The following DNER variants were observed in gnomAD, a reference collection of about 807,000 sequenced individuals.
DNER encodes delta and Notch-like epidermal growth factor-related receptor.
DNER carries 33 observed loss-of-function variants against 78.2 expected under a neutral mutation model. That is an observed-to-expected ratio of 0.42 (90% CI 0.32 to 0.56). DNER has a LOEUF of 0.56. Among genes scored for constraint, DNER ranks in the 20% least tolerant of loss-of-function variants. The pLI, the probability that DNER is intolerant of heterozygous loss-of-function variation, is 0.11. For synonymous variants in DNER, 417 were observed against 384.8 expected (o/e 1.08, Z -0.98); for missense variants, 918 against 975.3 (o/e 0.94, Z 0.78).
intron 5 of DNER, among the ~76,000 whole-genome samples, chr2:229,545,918 A>C (rs982782122): frequency 3.3e-5 from 5 of 152,222 alleles, no homozygotes; most frequent in Non-Finnish European, 1.5e-5. Flanking sequence ...TAAGGAGGAA[A>C]TTACCACATT....
At chr2:229,534,914 C>A (rs558393854) in intron 5 of DNER, among the ~76,000 whole-genome samples, 1 of 152,174 alleles carries the variant, frequency 6.6e-6, no homozygotes, top group South Asian at 2.1e-4. Flanking sequence ...CAACTCACTG[C>A]AACCTCTGCC....
rs945738915 is a variant in DNER at position 229,433,682 on chromosome 2, A to G, written c.1486+13634T>C. ...CAGGAATAATATTTTTGCAGAAAGGAATGTCAGAAAATGGAAGATATTAGA... is the reference window on the plus strand; with the variant it reads ...CAGGAATAATATTTTTGCAGAAAGGGATGTCAGAAAATGGAAGATATTAGA... On this transcript the variant is annotated intron_variant, in intron 8 of 12. Transcript: ENST00000341772. Among the ~76,000 whole-genome samples, 3 of 152,210 alleles carry G rather than the reference A, an allele frequency of 2.0e-5. 1 individual carries two copies.
intron 1 of DNER, among the ~76,000 whole-genome samples, chr2:229,701,455 T>C (rs1329062631): frequency 1.3e-5 from 2 of 152,246 alleles, no homozygotes; most frequent in African/African-American, 2.4e-5. Context: ...ATACAAAAAA[T>C]GCTCATTGTT....
chr2:229,443,827 T>A (rs188214559), intron 8 of DNER, among the ~76,000 whole-genome samples: 4 of 152,328 alleles, frequency 2.6e-5, no homozygotes, highest in African/African-American at 9.6e-5. Context: ...CTCCAAAAGA[T>A]GAAGACGAGA....
At chr2:229,569,550 G>T (rs192658130) in intron 4 of DNER, among the ~76,000 whole-genome samples, 1 of 151,912 alleles carries the variant, frequency 6.6e-6, no homozygotes, top group Non-Finnish European at 1.5e-5. Flanking sequence ...AATTTTTTAA[G>T]TTCTCTATAT....
chr2:229,428,199 GCTC>G (rs200039651), intron 8 of DNER, among the ~76,000 whole-genome samples: 9,859 of 152,046 alleles, frequency 0.065, 1,079 homozygotes, highest in African/African-American at 0.23. Flanking sequence ...CAGAGAGATT[GCTC>G]CAGCTACCCT....
intron 11 of DNER, among the ~76,000 whole-genome samples, chr2:229,384,973 G>C (rs1180562921): frequency 1.3e-5 from 2 of 151,722 alleles, no homozygotes; most frequent in African/African-American, 4.8e-5. Context: ...AAAACTTCAG[G>C]CCAAGATCCC....
chr2:229,433,565 C>G (rs980581828), intron 8 of DNER, among the ~76,000 whole-genome samples: 5 of 152,192 alleles, frequency 3.3e-5, no homozygotes, highest in African/African-American at 1.2e-4. Context: ...CTAGGAGTCA[C>G]ACATGCCTAA....
chr2:229,533,849 C>T (rs1426824359), intron 5 of DNER, among the ~76,000 whole-genome samples: 1 of 152,220 alleles, frequency 6.6e-6, no homozygotes. Context: ...AAAATCTGAG[C>T]TTTCAAGAGC....
At position 229,591,532 on chromosome 2, in the gene DNER, A is replaced by G. The variant is rs773595831; in HGVS notation, c.585+48T>C. ...TACTAGAACCGCTGGAGTCACTTTA[A>G]GATTTCTGGTTTCTAATGTAAAAAT... On this transcript the variant is annotated intron_variant, in intron 2 of 12. Coordinates refer to ENST00000341772, the MANE Select transcript of DNER (RefSeq NM_139072.4). This position sits in a 1 kb window ranked among gnomAD's most constrained non-coding sequence, Gnocchi z 4.6. 7.7e-6 allele frequency: 12 copies of G among 1,555,488 alleles called. No homozygotes were observed. Among genetic ancestry groups the G allele is most frequent in the South Asian group, 1.2e-5 (1 of 80,288 alleles).
chr2:229,407,558 A>G (rs1266380489), intron 9 of DNER, among the ~76,000 whole-genome samples: 1 of 152,228 alleles, frequency 6.6e-6, no homozygotes, highest in Non-Finnish European at 1.5e-5. Flanking sequence ...CACTGTCCAT[A>G]GGTCCCACCA....
chr2:229,433,861 T>A (rs1289637686), intron 8 of DNER, among the ~76,000 whole-genome samples: 1 of 152,230 alleles, frequency 6.6e-6, no homozygotes, highest in African/African-American at 2.4e-5. Context: ...GCATTCCTAA[T>A]TATCTTGCCG....
chr2:229,618,549 G>T (rs73998298), intron 1 of DNER, among the ~76,000 whole-genome samples: 1 of 152,226 alleles, frequency 6.6e-6, no homozygotes, highest in Admixed American at 6.5e-5. Flanking sequence ...CATCAGCCTC[G>T]CAAAGCTGGT....
chr2:229,667,135 C>T (rs1229450684), intron 1 of DNER, among the ~76,000 whole-genome samples: 1 of 152,158 alleles, frequency 6.6e-6, no homozygotes, highest in Non-Finnish European at 1.5e-5. Flanking sequence ...ACTCAGTGGG[C>T]AGGATTATCC....
In DNER at chr2:229,461,061, A is replaced by G. The variant is rs935689141; in HGVS notation, c.1262-13521T>C. 6.6e-5 allele frequency among the ~76,000 whole-genome samples: 10 copies of G among 152,040 alleles called. 1 individual carries two copies. Among genetic ancestry groups the G allele is most frequent in the African/African-American group, 2.2e-4 (9 of 41,302 alleles). On this transcript the variant is annotated intron_variant, in intron 7 of 12. Coordinates refer to ENST00000341772, the MANE Select transcript of DNER (RefSeq NM_139072.4). ...ATGAGTGCTAGTAAAAAGACATTTT[A>G]CAACACAAGGTGGAAAAGGCTTTGG...
chr2:229,687,263 CT>C (rs555202828), intron 1 of DNER, among the ~76,000 whole-genome samples: 3,330 of 127,646 alleles, frequency 0.026, 42 homozygotes, highest in African/African-American at 0.063. Context: ...TTTCCAACTT[CT>C]TTTTTTTTTT....
chr2:229,560,250 C>T (rs1314746753), intron 4 of DNER, among the ~76,000 whole-genome samples: 2 of 152,190 alleles, frequency 1.3e-5, no homozygotes, highest in African/African-American at 4.8e-5. Flanking sequence ...AGACCATTTT[C>T]TTTCCTGTTA....
At chr2:229,590,705 A>G (rs1043115221) in intron 2 of DNER, among the ~76,000 whole-genome samples, 1 of 152,210 alleles carries the variant, frequency 6.6e-6, no homozygotes, top group Non-Finnish European at 1.5e-5. Context: ...GTGAAGAAAC[A>G]GGCCCTCACC....
Position 229,413,144 on chromosome 2 carries a change from T to C in DNER, c.1609+4964A>G, listed in dbSNP as rs557656462. On this transcript the variant is annotated intron_variant, in intron 9 of 12. Coordinates refer to ENST00000341772, the MANE Select transcript of DNER (RefSeq NM_139072.4). ...CTTCTCATTCCTAGCAATTCCTCTC[T>C]AAGAGTCTTACATTATTATTATAGA... Among the ~76,000 whole-genome samples, 8 of 152,170 alleles carry C rather than the reference T, an allele frequency of 5.3e-5. No individual in the cohort carries two copies. The South Asian group carries it at 1.7e-3, about 32-fold the overall frequency.
Sources: allele counts gnomAD v4.1 joint callset (sites outside exome capture counted in the v4.1 genomes callset), GRCh38; gene constraint gnomAD v4.1.1; non-coding constraint Gnocchi (gnomAD v3.1); transcripts MANE v1.5; gene names NCBI Gene and HGNC (gene_info 2026-07-23, HGNC 2026-07-21).